PLA2G4F: variants seen among roughly 807,000 people sequenced by gnomAD.
The protein encoded by PLA2G4F is cytosolic phospholipase A2 zeta.
Under a neutral mutation model 103.1 loss-of-function variants are expected in PLA2G4F, and 105 were observed. The ratio of observed to expected loss-of-function variants is 1.02; its 90% CI spans 0.87 to 1.20. The LOEUF (loss-of-function observed/expected upper bound fraction) is 1.20. PLA2G4F is among the 50% of genes most tolerant of loss of function. The pLI, the probability that PLA2G4F is intolerant of heterozygous loss-of-function variation, is 0.00. For missense variants in PLA2G4F, 1,155 were observed against 1,075.9 expected, an observed-to-expected ratio of 1.07 and a Z score of -1.03; for synonymous variants, 468 against 441.1, an observed-to-expected ratio of 1.06 and a Z score of -0.76.
In PLA2G4F at chr15:42,145,786, G is replaced by C. The variant is rs1255922218; in HGVS notation, c.1652C>G (p.Pro551Arg). The C allele has an allele frequency of 2.5e-6, 4 of 1,614,124 alleles. No individual in the cohort carries two copies. The highest frequency in any genetic ancestry group is 1.7e-5 in the Admixed American group (1 of 60,028). The part of the protein sequence containing the change: ...MGRLLQLQPE[P>R]RICYLQGMWG... The stretch of plus-strand genomic sequence containing the variant: ...CTCACCTTGCAGGTAACAGATCCGG[G>C]GTTCAGGCTGGAGCTGCAGCAATCG... Residue 551 changes from proline (P) to arginine (R), a missense_variant, in exon 15 of 20, where the codon CCC becomes CGC. By Grantham distance (103) the Pro-to-Arg change is moderately radical. Transcript: ENST00000397272.
At chr15:42,149,585 T>C in intron 11 of PLA2G4F, 128 bp downstream of exon 11, 1 of 1,461,574 alleles carries the variant, frequency 6.8e-7, no homozygotes, top group Non-Finnish European at 9.0e-7. Context: ...GCTCTGCCGA[T>C]GGTGCCCACA....
Position 42,145,965 on chromosome 15 carries a change from C to T in PLA2G4F, c.1535-62G>A, listed in dbSNP as rs187250689. ...TCCCACCACGGTGCTTGTGCCCAAG[C>T]AGGAATCTTAGCCTTGACAATGACA... On this transcript the variant is annotated intron_variant, in intron 14 of 19. Transcript: ENST00000397272. 338 of 1,602,194 alleles carry T rather than the reference C, an allele frequency of 2.1e-4. 2 individuals carry two copies. In the East Asian group the frequency reaches 5.8e-3, roughly 27 times the overall value.
Position 42,155,568 on chromosome 15 carries a change from C to G in PLA2G4F, c.133G>C (p.Asp45His). 1 of 1,614,058 alleles carries G rather than the reference C, an allele frequency of 6.2e-7. No homozygotes were observed. Among genetic ancestry groups the G allele is most frequent in the Non-Finnish European group, 8.5e-7 (1 of 1,179,950 alleles). Residue 45 changes from aspartate (D) to histidine (H), a missense_variant, in exon 2 of 20, where the codon GAC (aspartate) becomes CAC (histidine). Coordinates refer to ENST00000397272, the MANE Select transcript of PLA2G4F (RefSeq NM_213600.4). ...GCCCTCAGCACCTTCACCTGGAGGT[C>G]ATAGTATGGGTAGGTTTCCCGCTGC... ...HWRRETYPYYDLQVKVLRATN... is the reference protein window; with the variant it reads ...HWRRETYPYYHLQVKVLRATN...
At chr15:42,155,631 G>C (rs1468122642) in intron 1 of PLA2G4F, 42 bp from the exon 2 acceptor site, 1 of 1,583,610 alleles carries the variant, frequency 6.3e-7, no homozygotes, top group Non-Finnish European at 8.7e-7. Context: ...GCTAGTGTGA[G>C]CCTGGTCCCT....
In PLA2G4F at chr15:42,144,107, G is replaced by A. The variant is rs200735729; in HGVS notation, c.2013C>T (p.Pro671=). The change falls in exon 18 of 20, where the codon CCC becomes CCT. Residue 671 remains proline (P), a synonymous_variant. Transcript: ENST00000397272. ...CCACCAGGTACAGGCAGTCCCGCATGGGGGTGAGCTGGTTGGGGAAGGCGT... is the reference window on the plus strand; with the variant it reads ...CCACCAGGTACAGGCAGTCCCGCATAGGGGTGAGCTGGTTGGGGAAGGCGT... ...HPDAFPNQLT[P]MRDCLYLVDG... is the part of the protein sequence containing the mutation. The A allele has an allele frequency of 4.3e-6, 7 of 1,613,486 alleles. No individual in the cohort carries two copies. Among genetic ancestry groups the A allele is most frequent in the Admixed American group, 1.7e-5 (1 of 59,890 alleles).
intron 6 of PLA2G4F, 122 bp from the exon 7 acceptor site, chr15:42,152,876 G>A: frequency 3.2e-6 from 3 of 930,952 alleles, no homozygotes; most frequent in South Asian, 3.5e-5. Flanking sequence ...GATGGAGGGA[G>A]GGAGGAGTTC....
At position 42,146,235 on chromosome 15, in the gene PLA2G4F, G is replaced by T; in HGVS notation, c.1426C>A (p.Pro476Thr). Residue 476 changes from proline to threonine, a missense_variant, in exon 14 of 20, where the codon CCT (proline) becomes ACT (threonine). Physicochemically the swap from Pro to Thr is conservative, Grantham distance 38. Coordinates refer to ENST00000397272, the MANE Select transcript of PLA2G4F (RefSeq NM_213600.4). ...TCCTGTTGGTCAGACAGCTTGGCAGGGTTCTCCTGGGCAGGAAAGAAGGGA... is the reference window on the plus strand; with the variant it reads ...TCCTGTTGGTCAGACAGCTTGGCAGTGTTCTCCTGGGCAGGAAAGAAGGGA... Reference protein sequence around the residue: ...VEYLLYQEENPAKLSDQQEAV... With the variant: ...VEYLLYQEENTAKLSDQQEAV... The T allele has an allele frequency of 6.2e-7, 1 of 1,614,158 alleles. No individual in the cohort carries two copies. Among genetic ancestry groups the T allele is most frequent in the South Asian group, 1.1e-5 (1 of 91,076 alleles).
intron 13 of PLA2G4F, 41 bp from the exon 14 acceptor site, chr15:42,146,282 T>C: frequency 6.3e-7 from 1 of 1,580,814 alleles, no homozygotes; most frequent in Non-Finnish European, 8.7e-7. Flanking sequence ...CTTTCAGGAG[T>C]TCCATTCCCC....
At chr15:42,145,095 G>C (rs2048867504) in intron 16 of PLA2G4F, among the ~76,000 whole-genome samples, 1 of 152,210 alleles carries the variant, frequency 6.6e-6, no homozygotes, top group Non-Finnish European at 1.5e-5. Context: ...ATGCTCCGGG[G>C]TAAGGACGAC....
Position 42,147,347 on chromosome 15 carries a change from C to T in PLA2G4F, c.1197-1G>A. 6.2e-7 allele frequency: 1 copy of T among 1,604,690 alleles called. No homozygotes were observed. ...GTCCCTGTAGAGTGTGGAGATGCAC[C>T]TGGGGATTGGAGGTGTGCCTGAGTC... On this transcript the variant is annotated splice_acceptor_variant, in intron 12 of 19. Transcript: ENST00000397272. LOFTEE classifies it high-confidence loss of function.
Position 42,142,025 on chromosome 15 carries a change from C to A in PLA2G4F, c.2509G>T (p.Ala837Ser), listed in dbSNP as rs770520830. Residue 837 changes from alanine (A) to serine (S), a missense_variant, in exon 20 of 20, where the codon GCT becomes TCT. Around this residue, in one of 3 missense-constraint regions of PLA2G4F, gnomAD observed 782 missense variants for 692.9 expected, o/e 1.13. Coordinates refer to ENST00000397272, the MANE Select transcript of PLA2G4F (RefSeq NM_213600.4). ...VETLKCALQL[A>S]LDRHQARERA... is the part of the protein sequence containing the mutation. Reference sequence around the variant, plus strand: ...TCCCGAGCCTGGTGCCGGTCCAGAGCCAGCTGGAGGGCGCACTTCAAGGTC... The same window carrying A: ...TCCCGAGCCTGGTGCCGGTCCAGAGACAGCTGGAGGGCGCACTTCAAGGTC... 6 of 1,614,148 alleles carry A rather than the reference C, an allele frequency of 3.7e-6. No individual in the cohort carries two copies. Among genetic ancestry groups the A allele is most frequent in the Non-Finnish European group, 4.2e-6 (5 of 1,180,044 alleles).
chr15:42,156,281 A>G (rs2049014013), intron 1 of PLA2G4F, among the ~76,000 whole-genome samples, 158 bp downstream of exon 1: 1 of 152,148 alleles, frequency 6.6e-6, no homozygotes, highest in Non-Finnish European at 1.5e-5. Context: ...TATTTTTAAG[A>G]GCCAAGGTCT....
chr15:42,142,847 C>G, intron 18 of PLA2G4F, 133 bp from the exon 19 acceptor site: 1 of 927,554 alleles, frequency 1.1e-6, no homozygotes, highest in Non-Finnish European at 1.6e-6. Flanking sequence ...CAGGTGACAG[C>G]TCCTTTCTGA....
At chr15:42,149,044 T>C (rs2048924745) in intron 11 of PLA2G4F, 1 of 985,304 alleles carries the variant, frequency 1.0e-6, no homozygotes, top group Non-Finnish European at 1.2e-6. Context: ...TGTAAGTCCC[T>C]CTCTCAGCAC....
At position 42,141,316 on chromosome 15, in the gene PLA2G4F, A is replaced by T. The variant is rs916297853; in HGVS notation, c.*668T>A. On this transcript the variant is annotated 3_prime_UTR_variant, in exon 20 of 20. Transcript: ENST00000397272. ...GGGTAACTGGCAGGGAGACACGCGC[A>T]CATCTCCCACCTGGAGCAGCCAGAA... 2.2e-6 allele frequency: 1 copy of T among 456,586 alleles called. No individual in the cohort carries two copies. Among genetic ancestry groups the T allele is most frequent in the Non-Finnish European group, 4.4e-6 (1 of 226,974 alleles). The allele number at this position is 456,586 out of a possible 1,614,324, so 28.3% of individuals were successfully genotyped here.
chr15:42,153,359 A>G lies in PLA2G4F; in HGVS notation c.492-17T>C, dbSNP rs1350404534. 6.2e-7 allele frequency: 1 copy of G among 1,612,262 alleles called. No individual in the cohort carries two copies. Among genetic ancestry groups the G allele is most frequent in the Non-Finnish European group, 8.5e-7 (1 of 1,178,504 alleles). ...GGCACCTGGCTGCAAAGGATGAGGA[A>G]TACATGGAGAATACATCTGGCCCCA... On this transcript the variant is annotated splice_polypyrimidine_tract_variant and intron_variant, in intron 5 of 19. Coordinates refer to ENST00000397272, the MANE Select transcript of PLA2G4F (RefSeq NM_213600.4).
At chr15:42,154,485 G>A (rs759117744) in intron 2 of PLA2G4F, 27 bp from the exon 3 acceptor site, 2 of 1,532,956 alleles carry the variant, frequency 1.3e-6, no homozygotes, top group Admixed American at 2.0e-5. Flanking sequence ...GAGGGGCCGG[G>A]GCCTCAAGCT....
chr15:42,153,218 C>A, intron 6 of PLA2G4F, 82 bp downstream of exon 6: 1 of 1,459,126 alleles, frequency 6.9e-7, no homozygotes. Context: ...CCTTCAGAGG[C>A]AACTGGGCCT....
chr15:42,156,598 G>A lies in PLA2G4F; in HGVS notation c.-49C>T. The A allele has an allele frequency of 1.5e-6, 2 of 1,353,186 alleles. No individual in the cohort carries two copies. Among genetic ancestry groups the A allele is most frequent in the Non-Finnish European group, 2.0e-6 (2 of 990,934 alleles). 83.8% of individuals were successfully genotyped at this position (1,353,186 alleles called of 1,614,324 possible). Reference sequence around the variant, plus strand: ...AGGGAACCCTGCCTGCGCTCCTCTGGTTGCACAAACTGCTGGCTCAGGTGT... The same window carrying A: ...AGGGAACCCTGCCTGCGCTCCTCTGATTGCACAAACTGCTGGCTCAGGTGT... On this transcript the variant is annotated 5_prime_UTR_variant, in exon 1 of 20. Transcript: ENST00000397272.
Sources: allele counts gnomAD v4.1 joint callset (sites outside exome capture counted in the v4.1 genomes callset), GRCh38; gene constraint gnomAD v4.1.1; regional missense constraint gnomAD v4.1.1; transcripts MANE v1.5; gene names NCBI Gene and HGNC (gene_info 2026-07-23, HGNC 2026-07-21).